Variants in RAB31 observed in about 807,000 individuals in gnomAD.
RAB31 encodes the protein RAB31, member RAS oncogene family.
A neutral mutation model predicts 25.6 loss-of-function variants in RAB31; 21 were observed. The observed-to-expected ratio is 0.82, with a 90% confidence interval of 0.58 to 1.18. The LOEUF (loss-of-function observed/expected upper bound fraction) is 1.18. RAB31 is among the 50% of genes most tolerant of loss of function. RAB31 has a pLI of 0.00. For missense variants in RAB31, 196 were observed against 250.1 expected, an observed-to-expected ratio of 0.78 and a Z score of 1.46; for synonymous variants, 87 against 84.0, an observed-to-expected ratio of 1.04 and a Z score of -0.20.
chr18:9,849,135 T>C (rs745794058), intron 6 of RAB31, among the ~76,000 whole-genome samples: 7 of 152,174 alleles, frequency 4.6e-5, no homozygotes, highest in Non-Finnish European at 1.0e-4. Flanking sequence ...TTGTTTATTT[T>C]TTTTTCCTTG....
At chr18:9,783,939 C>A (rs1162564767) in intron 2 of RAB31, among the ~76,000 whole-genome samples, 1 of 152,118 alleles carries the variant, frequency 6.6e-6, no homozygotes, top group African/African-American at 2.4e-5. Flanking sequence ...TCTCATACAC[C>A]ATTATGGACA....
At chr18:9,760,236 C>G (rs1488310121) in intron 1 of RAB31, among the ~76,000 whole-genome samples, 2 of 151,392 alleles carry the variant, frequency 1.3e-5, no homozygotes, top group Non-Finnish European at 2.9e-5. Flanking sequence ...TGTAATGGCA[C>G]AATCACAGCT....
chr18:9,844,670 A>T (rs1373692954), intron 5 of RAB31: 1 of 152,186 alleles, frequency 6.6e-6, no homozygotes, highest in Non-Finnish European at 1.5e-5. Context: ...GGAGAATAGG[A>T]ACTGCATCTT....
At position 9,748,235 on chromosome 18, in the gene RAB31, G is replaced by A. The variant is rs11659918; in HGVS notation, c.40-27043G>A. Among the ~76,000 whole-genome samples, 1,245 of 152,234 alleles carry A rather than the reference G, an allele frequency of 8.2e-3. 8 individuals are homozygous for A. The highest frequency in any genetic ancestry group is 0.012 in the Non-Finnish European group (815 of 68,002). ...TATTTGTCTGGGTGCAGTGGCTCAA[G>A]CCTGTAATCTCAGCACCTTGGGAGG... is the stretch of plus-strand genomic sequence containing the variant. On this transcript the variant is annotated intron_variant, in intron 1 of 6. Coordinates refer to ENST00000578921, the MANE Select transcript of RAB31 (RefSeq NM_006868.4).
chr18:9,792,079 T>C, intron 2 of RAB31, 75 bp from the exon 3 acceptor site: 1 of 1,533,230 alleles, frequency 6.5e-7, no homozygotes, highest in Non-Finnish European at 8.8e-7. Context: ...AGGTGTAGCA[T>C]TTAACTTGTT....
intron 2 of RAB31, among the ~76,000 whole-genome samples, chr18:9,777,087 A>C (rs947936299): frequency 6.6e-5 from 10 of 152,186 alleles, no homozygotes; most frequent in Non-Finnish European, 5.9e-5. Context: ...CACGCCTGTA[A>C]TTCTAGCTCT....
In RAB31 at chr18:9,708,410, T is replaced by C; in HGVS notation, c.5T>C (p.Met2Thr). The change falls in exon 1 of 7, where the codon ATG (methionine) becomes ACG (threonine). Residue 2 changes from methionine to threonine, a missense_variant. Met to Thr is a moderately conservative substitution (Grantham distance 81). Transcript: ENST00000578921. This position sits in a 1 kb window ranked among gnomAD's most constrained non-coding sequence, Gnocchi z 6.4. MMAIRELKVCLL... is the reference protein window; with the variant it reads MTAIRELKVCLL... ...GCACTGCCTGGCTGCGAGCACATGA[T>C]GGCGATACGGGAGCTCAAAGTGTGC... The C allele has an allele frequency of 6.4e-7, 1 of 1,566,678 alleles. No homozygotes were observed. Among genetic ancestry groups the C allele is most frequent in the Non-Finnish European group, 8.6e-7 (1 of 1,158,062 alleles).
rs190677041 is a variant in RAB31, at chr18:9,759,564, A to G, written c.40-15714A>G. On this transcript the variant is annotated intron_variant, in intron 1 of 6. Transcript: ENST00000578921. ...CAAAAAAAAAAATTACCTGCTCACA[A>G]AGGTTTCCATATGATTTAGGGGGAT... Among the ~76,000 whole-genome samples the G allele has an allele frequency of 1.0e-4, 15 of 147,178 alleles. No homozygotes were observed. The East Asian group carries it at 3.0e-3, about 30-fold the overall frequency.
At chr18:9,807,085 G>A (rs2068545467) in intron 3 of RAB31, among the ~76,000 whole-genome samples, 1 of 152,220 alleles carries the variant, frequency 6.6e-6, no homozygotes, top group African/African-American at 2.4e-5. Context: ...CGGACAGGAG[G>A]GAGGTGCGGC....
chr18:9,786,942 A>C (rs905579618), intron 2 of RAB31: 2 of 153,656 alleles, frequency 1.3e-5, no homozygotes, highest in African/African-American at 4.8e-5. Context: ...AGAAGTGATG[A>C]AAGCAGTTAC....
At chr18:9,811,484 T>G (rs1362245689) in intron 3 of RAB31, among the ~76,000 whole-genome samples, 1 of 152,242 alleles carries the variant, frequency 6.6e-6, no homozygotes, top group Non-Finnish European at 1.5e-5. Flanking sequence ...AGTTAGGGTT[T>G]TGTCGCTTGC....
rs2068314753 is a variant in RAB31, at chr18:9,766,139, A to G, written c.40-9139A>G. Among the ~76,000 whole-genome samples the G allele has an allele frequency of 6.6e-6, 1 of 151,916 alleles. No individual in the cohort carries two copies. The highest frequency in any genetic ancestry group is 1.5e-5 in the Non-Finnish European group (1 of 67,986). Reference sequence around the variant, plus strand: ...CCCGTTTGTCTTCTGCTCTGAGTTGACCCTGGTTTTGGGGCTGTAGAAAGG... The same window carrying G: ...CCCGTTTGTCTTCTGCTCTGAGTTGGCCCTGGTTTTGGGGCTGTAGAAAGG... On this transcript the variant is annotated intron_variant, in intron 1 of 6. Transcript: ENST00000578921. The surrounding 1 kb of genome is among the most constrained non-coding windows in gnomAD (Gnocchi z 4.3).
chr18:9,783,496 G>C (rs573472549), intron 2 of RAB31, among the ~76,000 whole-genome samples: 4 of 152,146 alleles, frequency 2.6e-5, no homozygotes, highest in Non-Finnish European at 5.9e-5. Flanking sequence ...TAGGGTTGCT[G>C]TATTATTTAT....
intron 1 of RAB31, among the ~76,000 whole-genome samples, chr18:9,756,709 G>A (rs1185854583): frequency 6.6e-6 from 1 of 152,144 alleles, no homozygotes; most frequent in African/African-American, 2.4e-5. Context: ...TTTAAATCAG[G>A]CCACTGTCAT....
intron 3 of RAB31, among the ~76,000 whole-genome samples, chr18:9,801,041 C>T (rs764380876): frequency 2.6e-5 from 4 of 152,222 alleles, no homozygotes; most frequent in Non-Finnish European, 5.9e-5. Context: ...ACATTTCACA[C>T]AAATGGAATC....
chr18:9,729,369 T>C (rs1267110941), intron 1 of RAB31, among the ~76,000 whole-genome samples: 1 of 151,780 alleles, frequency 6.6e-6, no homozygotes, highest in East Asian at 1.9e-4. Flanking sequence ...GTACTAAAAA[T>C]ATAAAAAATT....
Position 9,861,268 on chromosome 18 carries a change from G to T in RAB31, c.*1943G>T, listed in dbSNP as rs569938876. ...GCTGAGGGGTAAGTATCCTAGCTGA[G>T]AGTTTTGCATCTTTGGGCTGGGTTT... On this transcript the variant is annotated 3_prime_UTR_variant, in exon 7 of 7. Transcript: ENST00000578921. 1 of 152,298 alleles carries T rather than the reference G, an allele frequency of 6.6e-6. No homozygotes were observed. Among genetic ancestry groups the T allele is most frequent in the Admixed American group, 6.5e-5 (1 of 15,296 alleles). The allele number at this position is 152,298 out of a possible 1,614,324, so 9.4% of individuals were successfully genotyped here. A position where few individuals can be genotyped will look rare whatever the true frequency, so the allele number is the denominator to read the frequency against.
intron 1 of RAB31, among the ~76,000 whole-genome samples, chr18:9,712,751 ACTTAAAAACTG>A (rs2068024268): frequency 6.7e-5 from 3 of 45,008 alleles, no homozygotes; most frequent in African/African-American, 2.8e-4. Flanking sequence ...AACTGCGTGC[ACTTAAAAACTG>A]CTTCCTGATG....
chr18:9,743,868 G>A (rs899579835), intron 1 of RAB31, among the ~76,000 whole-genome samples: 3 of 152,270 alleles, frequency 2.0e-5, no homozygotes, highest in Admixed American at 6.5e-5. Flanking sequence ...TCCCGGGTGC[G>A]GTCTGTGCCT....
Sources: allele counts gnomAD v4.1 joint callset (sites outside exome capture counted in the v4.1 genomes callset), GRCh38; gene constraint gnomAD v4.1.1; non-coding constraint Gnocchi (gnomAD v3.1); transcripts MANE v1.5; gene names NCBI Gene and HGNC (gene_info 2026-07-23, HGNC 2026-07-21).